NIPSNAP3B: variants seen among roughly 807,000 people sequenced by gnomAD.
The protein encoded by NIPSNAP3B is protein NipSnap homolog 3B.
Under a neutral mutation model 31.5 loss-of-function variants are expected in NIPSNAP3B, and 30 were observed. The observed-to-expected ratio is 0.95, with a 90% CI of 0.71 to 1.29. The LOEUF (loss-of-function observed/expected upper bound fraction) is 1.29, where lower values mean the gene tolerates loss of function less well. Among genes scored for constraint, NIPSNAP3B ranks in the 50% most tolerant of loss-of-function variants. The pLI is 0.00. For synonymous variants in NIPSNAP3B, 106 were observed against 107.9 expected (o/e 0.98, Z 0.11); for missense variants, 269 against 300.7 (o/e 0.89, Z 0.78).
the NIPSNAP3B span, among the ~76,000 whole-genome samples, chr9:104,787,294 A>C: frequency 6.6e-6 from 1 of 152,198 alleles, no homozygotes; most frequent in Non-Finnish European, 1.5e-5. Flanking sequence ...TATATACAAA[A>C]CAACTTTTTG....
At chr9:104,769,435 C>T (rs1828162455) in intron 3 of NIPSNAP3B, among the ~76,000 whole-genome samples, 1 of 114,542 alleles carries the variant, frequency 8.7e-6, no homozygotes, top group Non-Finnish European at 1.6e-5. Flanking sequence ...GCCTGGGCGA[C>T]AGAGCGAGAC....
At position 104,768,915 on chromosome 9, in the gene NIPSNAP3B, A is replaced by C; in HGVS notation, c.324A>C (p.Glu108Asp). The change falls in exon 3 of 6, where the codon GAA becomes GAC. Residue 108 changes from glutamate (E) to aspartate (D), a missense_variant. By Grantham distance (45) the Glu-to-Asp change is conservative (BLOSUM62 2). Coordinates refer to ENST00000374762, the MANE Select transcript of NIPSNAP3B (RefSeq NM_018376.4). ...EVRKALANCK[E>D]WQEQSIIPNL... ...GGAAAGCCTTAGCCAACTGTAAGGA[A>C]TGGCAAGAACAATCTATCATTCCAA... 6.2e-7 allele frequency: 1 copy of C among 1,613,814 alleles called. No homozygotes were observed. The highest frequency in any genetic ancestry group is 2.2e-5 in the East Asian group (1 of 44,864).
chr9:104,767,223 G>C (rs1166902728), intron 2 of NIPSNAP3B, among the ~76,000 whole-genome samples: 1 of 152,026 alleles, frequency 6.6e-6, no homozygotes, highest in East Asian at 1.9e-4. Flanking sequence ...ATTCTGTTAT[G>C]TTTAGAGACC....
the NIPSNAP3B span, chr9:104,785,591 C>A: frequency 3.1e-6 from 5 of 1,614,088 alleles, no homozygotes; most frequent in Non-Finnish European, 4.2e-6. Context: ...GCTTCAGGTC[C>A]GGGTTGGACC....
the NIPSNAP3B span, chr9:104,788,671 A>G: frequency 7.4e-7 from 1 of 1,347,800 alleles, no homozygotes; most frequent in Non-Finnish European, 1.1e-6. Context: ...CATTACAAAG[A>G]TACCAATACA....
At chr9:104,785,277 T>A in the NIPSNAP3B span, 2 of 1,336,502 alleles carry the variant, frequency 1.5e-6, no homozygotes, top group Non-Finnish European at 2.1e-6. Flanking sequence ...CTAGGAATAG[T>A]AGATCAGGAA....
intron 3 of NIPSNAP3B, among the ~76,000 whole-genome samples, chr9:104,769,368 G>A (rs1828159582): frequency 6.7e-6 from 1 of 149,774 alleles, no homozygotes; most frequent in Admixed American, 6.8e-5. Flanking sequence ...GCAGGGGAAT[G>A]GCGTGAACCC....
rs1466035990 is a variant in NIPSNAP3B, at chr9:104,775,258, T to G, written c.*2185T>G. On this transcript the variant is annotated 3_prime_UTR_variant, in exon 6 of 6. Coordinates refer to ENST00000374762, the MANE Select transcript of NIPSNAP3B (RefSeq NM_018376.4). ...TTACAATATGACTCAAAAGAGTAGT[T>G]CATACTTCCTGCCTCCATTTTCTTC... Among the ~76,000 whole-genome samples, 5 of 152,066 alleles carry G rather than the reference T, an allele frequency of 3.3e-5. No homozygotes were observed. The highest frequency in any genetic ancestry group is 2.9e-5 in the Non-Finnish European group (2 of 67,996).
At chr9:104,781,269 C>T (rs1459448586), downstream of NIPSNAP3B, 2 of 152,444 alleles carry the variant, frequency 1.3e-5, no homozygotes, top group Non-Finnish European at 1.5e-5. Flanking sequence ...ACAAAGAGCA[C>T]AAAAACAGCT....
At chr9:104,781,029 G>A (rs1828515012), downstream of NIPSNAP3B, 1 of 152,522 alleles carries the variant, frequency 6.6e-6, no homozygotes, top group African/African-American at 2.4e-5. Flanking sequence ...AACTGTCACA[G>A]CTTTATTTTG....
chr9:104,780,819 A>G (rs923711515), downstream of NIPSNAP3B, among the ~76,000 whole-genome samples: 3 of 152,234 alleles, frequency 2.0e-5, no homozygotes, highest in Non-Finnish European at 4.4e-5. Flanking sequence ...TATCTTAACC[A>G]ACATGAAAAT....
chr9:104,769,346 A>G (rs1828158914), intron 3 of NIPSNAP3B, among the ~76,000 whole-genome samples: 1 of 149,838 alleles, frequency 6.7e-6, no homozygotes, highest in Non-Finnish European at 1.5e-5. Context: ...CCCAGCTACT[A>G]GGGAGGCTGA....
chr9:104,767,020 C>A (rs1828102709), intron 2 of NIPSNAP3B, among the ~76,000 whole-genome samples: 1 of 151,864 alleles, frequency 6.6e-6, no homozygotes, highest in Non-Finnish European at 1.5e-5. Flanking sequence ...TTATGAGACT[C>A]CTAATTGCAG....
chr9:104,778,241 T>G (rs1285024510), downstream of NIPSNAP3B, among the ~76,000 whole-genome samples: 1 of 152,072 alleles, frequency 6.6e-6, no homozygotes, highest in Non-Finnish European at 1.5e-5. Context: ...TTGCACACTT[T>G]TTTTTTTAGA....
At chr9:104,769,687 TCA>T (rs749995988) in intron 3 of NIPSNAP3B, among the ~76,000 whole-genome samples, 10 of 152,208 alleles carry the variant, frequency 6.6e-5, no homozygotes, top group East Asian at 5.8e-4. Context: ...TGAAATTTTG[TCA>T]CAGTTTTAAA....
At chr9:104,785,335 G>C in the NIPSNAP3B span, 2 of 1,604,940 alleles carry the variant, frequency 1.2e-6, no homozygotes, top group Non-Finnish European at 8.5e-7. Flanking sequence ...CTATGGGCGG[G>C]AGTGTCGGGG....
At chr9:104,778,651 C>G (rs1224041683), downstream of NIPSNAP3B, among the ~76,000 whole-genome samples, 1 of 152,194 alleles carries the variant, frequency 6.6e-6, no homozygotes, top group Non-Finnish European at 1.5e-5. Context: ...CTTGCTAGCT[C>G]TCTTTCCCTC....
At chr9:104,769,123 T>A in intron 3 of NIPSNAP3B, 102 bp downstream of exon 3, 3 of 810,856 alleles carry the variant, frequency 3.7e-6, no homozygotes, top group South Asian at 2.9e-5. Flanking sequence ...TATAATTCTT[T>A]GTTTTATATA....
chr9:104,789,149 C>G, the NIPSNAP3B span, among the ~76,000 whole-genome samples: 572 of 152,340 alleles, frequency 3.8e-3, 17 homozygotes, highest in Admixed American at 0.034. Flanking sequence ...CTTCTGGCAG[C>G]ATTCATTCCT....
Sources: gnomAD v4.1 joint callset for allele counts (sites outside exome capture counted in the v4.1 genomes callset) on GRCh38, gnomAD v4.1.1 for gene constraint, MANE v1.5 for transcripts, NCBI Gene and HGNC (gene_info 2026-07-23, HGNC 2026-07-21) for gene names.